MREG: variants seen among roughly 807,000 people sequenced by gnomAD.
MREG encodes dilute suppressor protein homolog.
MREG carries 31 observed loss-of-function variants against 28.5 expected under a neutral mutation model. The ratio of observed to expected loss-of-function variants is 1.09; its 90% confidence interval spans 0.82 to 1.47. The LOEUF is 1.47. Ranked by LOEUF, MREG falls within the 40% of genes most tolerant of loss-of-function variation. MREG has a pLI of 0.00. For missense variants in MREG, 256 were observed against 257.4 expected, an observed-to-expected ratio of 0.99 and a Z score of 0.04; for synonymous variants, 106 against 95.2, an observed-to-expected ratio of 1.11 and a Z score of -0.66.
intron 2 of MREG, among the ~76,000 whole-genome samples, chr2:215,970,790 T>C (rs1398237361): frequency 6.6e-6 from 1 of 152,226 alleles, no homozygotes; most frequent in Non-Finnish European, 1.5e-5. Context: ...GTACGAATGT[T>C]AATTATTAGG....
At chr2:216,002,344 G>A (rs969593195) in intron 1 of MREG, among the ~76,000 whole-genome samples, 1 of 152,202 alleles carries the variant, frequency 6.6e-6, no homozygotes, top group Admixed American at 6.5e-5. Flanking sequence ...CAGCATTGAA[G>A]CTATTTACCG....
intron 1 of MREG, among the ~76,000 whole-genome samples, chr2:216,031,429 A>AAAGAAAAG (rs1559203801): frequency 2.7e-5 from 2 of 74,642 alleles, no homozygotes; most frequent in Non-Finnish European, 4.9e-5. Context: ...AGAAAGAAAG[A>AAAGAAAAG]AAAGAAAGAA....
chr2:216,010,199 A>C (rs1694260972), intron 1 of MREG, among the ~76,000 whole-genome samples: 1 of 152,110 alleles, frequency 6.6e-6, no homozygotes, highest in South Asian at 2.1e-4. Context: ...CAAAGACTGA[A>C]GCTGTGTGGC....
chr2:215,969,099 C>T (rs1380065736), intron 2 of MREG, among the ~76,000 whole-genome samples: 2 of 152,098 alleles, frequency 1.3e-5, no homozygotes, highest in African/African-American at 4.8e-5. Flanking sequence ...TCCCAGACAT[C>T]AGATTTGAGT....
intron 2 of MREG, among the ~76,000 whole-genome samples, chr2:215,964,122 C>A (rs566768691): frequency 1.8e-4 from 27 of 152,074 alleles, no homozygotes; most frequent in East Asian, 5.8e-4. Flanking sequence ...GGGGAAAAAA[C>A]CACAATAAAA....
intron 2 of MREG, among the ~76,000 whole-genome samples, chr2:215,987,466 C>G (rs1693602885): frequency 6.6e-6 from 1 of 151,984 alleles, no homozygotes; most frequent in Non-Finnish European, 1.5e-5. Context: ...AGGCTAGTCT[C>G]AAACTCTGGA....
chr2:216,010,512 T>C (rs35593324), intron 1 of MREG, among the ~76,000 whole-genome samples: 68,140 of 150,978 alleles, frequency 0.45, 16,211 homozygotes, highest in East Asian at 0.6. Flanking sequence ...CGCCCGCCAC[T>C]ACACCCGGCT....
intron 2 of MREG, among the ~76,000 whole-genome samples, chr2:215,987,306 C>T (rs1475271327): frequency 2.8e-5 from 4 of 144,010 alleles, no homozygotes; most frequent in South Asian, 2.3e-4. Context: ...AGTGCAGTGG[C>T]GTGATCTTGG....
At chr2:216,016,755 T>A (rs925558512), upstream of MREG, among the ~76,000 whole-genome samples, 1 of 152,166 alleles carries the variant, frequency 6.6e-6, no homozygotes, top group African/African-American at 2.4e-5. Flanking sequence ...CATATGACAT[T>A]TGTACCTCTG....
intron 1 of MREG, among the ~76,000 whole-genome samples, chr2:216,024,788 CAGA>C (rs1694570180): frequency 6.6e-6 from 1 of 150,378 alleles, no homozygotes; most frequent in African/African-American, 2.5e-5. Context: ...GAGGCCGAGG[CAGA>C]AGAATTGCTT....
chr2:215,998,307 C>CAAAAAAAAAAAAAA (rs1222506866), intron 1 of MREG, among the ~76,000 whole-genome samples: 2 of 123,894 alleles, frequency 1.6e-5, no homozygotes, highest in African/African-American at 3.0e-5. Flanking sequence ...CTCCATCTCA[C>CAAAAAAAAAAAAAA]AAAAAAAAAA....
upstream of MREG, among the ~76,000 whole-genome samples, chr2:216,017,075 A>G (rs1694459508): frequency 1.3e-5 from 2 of 152,136 alleles, no homozygotes; most frequent in Admixed American, 1.3e-4. Flanking sequence ...ATTATTATCA[A>G]TATGGTACAA....
intron 2 of MREG, among the ~76,000 whole-genome samples, chr2:215,965,770 T>C (rs1230604228): frequency 6.6e-6 from 1 of 152,198 alleles, no homozygotes; most frequent in Non-Finnish European, 1.5e-5. Flanking sequence ...GCAGCAGGGC[T>C]GTGATCCATT....
chr2:215,993,131 A>G (rs191732541), intron 2 of MREG, among the ~76,000 whole-genome samples: 528 of 152,320 alleles, frequency 3.5e-3, no homozygotes, highest in African/African-American at 0.012. Flanking sequence ...AAAAGAACAA[A>G]GCTGGAGACA....
chr2:215,947,915 G>A (rs1163410405), intron 2 of MREG, among the ~76,000 whole-genome samples: 1 of 152,196 alleles, frequency 6.6e-6, no homozygotes, highest in Non-Finnish European at 1.5e-5. Flanking sequence ...AGATAAGTGT[G>A]CCTTTAAAAT....
At chr2:215,996,561 A>C in intron 1 of MREG, 96 bp from the exon 2 acceptor site, 1 of 817,170 alleles carries the variant, frequency 1.2e-6, no homozygotes, top group South Asian at 1.9e-5. Flanking sequence ...TAAAACTTAT[A>C]CTATGTAATA....
At chr2:216,009,697 G>A (rs751144359) in intron 1 of MREG, among the ~76,000 whole-genome samples, 25 of 152,156 alleles carry the variant, frequency 1.6e-4, no homozygotes, top group Non-Finnish European at 2.6e-4. Flanking sequence ...CACCACACCC[G>A]GCTAATTTTT....
chr2:215,998,811 G>C (rs1354798513), intron 1 of MREG, among the ~76,000 whole-genome samples: 1 of 152,218 alleles, frequency 6.6e-6, no homozygotes. Context: ...AATGCCTGCT[G>C]TATACTGAGT....
intron 2 of MREG, among the ~76,000 whole-genome samples, chr2:215,977,392 G>T (rs1224177305): frequency 6.6e-6 from 1 of 152,182 alleles, no homozygotes; most frequent in African/African-American, 2.4e-5. Flanking sequence ...AGTCCTTAGA[G>T]ACCTACAAAG....
Sources: gnomAD v4.1 joint callset for allele counts (sites outside exome capture counted in the v4.1 genomes callset) on GRCh38, gnomAD v4.1.1 for gene constraint, MANE v1.5 for transcripts, NCBI Gene and HGNC (gene_info 2026-07-23, HGNC 2026-07-21) for gene names.